Variants in SLC25A13 observed in about 807,000 individuals in gnomAD.
The protein encoded by SLC25A13 is electrogenic aspartate/glutamate antiporter SLC25A13, mitochondrial.
A neutral mutation model predicts 85.5 loss-of-function variants in SLC25A13; 70 were observed. The ratio of observed to expected loss-of-function variants is 0.82; its 90% CI spans 0.68 to 1.00. The LOEUF (loss-of-function observed/expected upper bound fraction) is 1.00. Ranked by LOEUF, SLC25A13 falls within the 50% of genes least tolerant of loss-of-function variation. The pLI is 0.00. For synonymous variants in SLC25A13, 259 were observed against 288.7 expected, an observed-to-expected ratio of 0.90 and a Z score of 1.04; for missense variants, 765 against 819.8, an observed-to-expected ratio of 0.93 and a Z score of 0.82.
At chr7:96,165,289 G>A (rs1290960719) in intron 13 of SLC25A13, among the ~76,000 whole-genome samples, 2 of 152,188 alleles carry the variant, frequency 1.3e-5, no homozygotes, top group Non-Finnish European at 2.9e-5. Flanking sequence ...GGTAGATAGG[G>A]AGCGTATGCT....
chr7:96,264,225 T>A (rs528081202), intron 3 of SLC25A13, among the ~76,000 whole-genome samples: 1 of 152,286 alleles, frequency 6.6e-6, no homozygotes, highest in East Asian at 1.9e-4. Context: ...CCACACTAAC[T>A]GGTCTCACTT....
chr7:96,184,573 C>G (rs1158217859), intron 10 of SLC25A13, 138 bp from the exon 11 acceptor site: 2 of 783,920 alleles, frequency 2.6e-6, no homozygotes, highest in South Asian at 1.6e-5. Context: ...ACAGTACTAC[C>G]TTTCTTATAT....
chr7:96,264,194 C>T (rs559289039), intron 3 of SLC25A13, among the ~76,000 whole-genome samples: 1 of 152,268 alleles, frequency 6.6e-6, no homozygotes, highest in Non-Finnish European at 1.5e-5. Flanking sequence ...GAACGACTGG[C>T]CTTATCTGAA....
chr7:96,161,802 T>C, intron 13 of SLC25A13, among the ~76,000 whole-genome samples: 1 of 152,314 alleles, frequency 6.6e-6, no homozygotes, highest in African/African-American at 2.4e-5. Flanking sequence ...TTTAATATGG[T>C]CTTACATTTT....
chr7:96,248,374 G>A (rs1344304733), intron 3 of SLC25A13, among the ~76,000 whole-genome samples: 1 of 152,168 alleles, frequency 6.6e-6, no homozygotes, highest in Non-Finnish European at 1.5e-5. Context: ...TTCAGGGGCA[G>A]CATCAAAGCT....
In SLC25A13 at chr7:96,121,922, T is replaced by C. The variant is rs1251459939; in HGVS notation, c.1667A>G (p.Gln556Arg). ...TRLQVAARAG[Q>R]TTYSGVIDCF... is the part of the protein sequence containing the mutation. Reference sequence around the variant, plus strand: ...GTCTATCACTCCGCTGTAAGTGGTTTGGCCAGCCCGGGCAGCCACCTGTAA... The same window carrying C: ...GTCTATCACTCCGCTGTAAGTGGTTCGGCCAGCCCGGGCAGCCACCTGTAA... The change falls in exon 16 of 18, where the codon CAA becomes CGA. Residue 556 changes from glutamine (Q) to arginine (R), a missense_variant. Physicochemically the swap from Gln to Arg is conservative, Grantham distance 43. Coordinates refer to ENST00000265631, the MANE Select transcript of SLC25A13 (RefSeq NM_014251.3). 1 of 1,614,090 alleles carries C rather than the reference T, an allele frequency of 6.2e-7. No individual in the cohort carries two copies. The highest frequency in any genetic ancestry group is 2.2e-5 in the East Asian group (1 of 44,890).
chr7:96,239,389 T>G (rs997449989), intron 3 of SLC25A13, among the ~76,000 whole-genome samples: 33 of 150,992 alleles, frequency 2.2e-4, no homozygotes, highest in Non-Finnish European at 4.1e-4. Context: ...TATATACATA[T>G]ATATATATAG....
Position 96,180,724 on chromosome 7 carries a change from G to A in SLC25A13, c.1177+3553C>T, listed in dbSNP as rs551921411. Among the ~76,000 whole-genome samples the A allele has an allele frequency of 1.3e-5, 2 of 152,366 alleles. 1 individual carries two copies. Among genetic ancestry groups the A allele is most frequent in the African/African-American group, 4.8e-5 (2 of 41,588 alleles). ...CTCATCACCTGAAAGATCTGAGAGA[G>A]AAGACTGCAACAAAGTTTAAAAGCA... On this transcript the variant is annotated intron_variant, in intron 11 of 17. Coordinates refer to ENST00000265631, the MANE Select transcript of SLC25A13 (RefSeq NM_014251.3).
At chr7:96,211,334 A>G (rs1795689157) in intron 4 of SLC25A13, among the ~76,000 whole-genome samples, 1 of 152,140 alleles carries the variant, frequency 6.6e-6, no homozygotes, top group Non-Finnish European at 1.5e-5. Context: ...AGAGCTATAC[A>G]TTATCCCTAA....
At chr7:96,190,385 C>T (rs766654146) in intron 7 of SLC25A13, among the ~76,000 whole-genome samples, 16 of 151,902 alleles carry the variant, frequency 1.1e-4, no homozygotes, top group South Asian at 2.1e-4. Flanking sequence ...GCCACCGCAC[C>T]GGCTCTGATT....
chr7:96,262,970 C>T (rs1219145468), intron 3 of SLC25A13, among the ~76,000 whole-genome samples: 1 of 150,078 alleles, frequency 6.7e-6, no homozygotes, highest in Non-Finnish European at 1.5e-5. Flanking sequence ...AGATATGGAA[C>T]CCTATATATG....
intron 11 of SLC25A13, among the ~76,000 whole-genome samples, chr7:96,179,060 C>T (rs1422949843): frequency 6.6e-6 from 1 of 152,152 alleles, no homozygotes; most frequent in African/African-American, 2.4e-5. Flanking sequence ...GCTCAGGATG[C>T]CTTTGGGAGA....
chr7:96,217,616 A>G (rs1328107604), intron 4 of SLC25A13, among the ~76,000 whole-genome samples: 1 of 152,204 alleles, frequency 6.6e-6, no homozygotes, highest in Non-Finnish European at 1.5e-5. Flanking sequence ...TGCTAAGTAA[A>G]AGAAACCAAT....
chr7:96,201,511 CAAA>C (rs11448108), intron 5 of SLC25A13, among the ~76,000 whole-genome samples: 1 of 124,640 alleles, frequency 8.0e-6, no homozygotes, highest in African/African-American at 3.1e-5. Flanking sequence ...GACTCTGTCT[CAAA>C]AAAAAAAAAA....
intron 5 of SLC25A13, among the ~76,000 whole-genome samples, chr7:96,201,218 T>A (rs1562837751): frequency 1.3e-5 from 2 of 151,970 alleles, no homozygotes; most frequent in South Asian, 4.2e-4. Flanking sequence ...CCACTAAAAA[T>A]TCATGGTCGG....
At chr7:96,303,195 AC>A (rs1274390213) in intron 1 of SLC25A13, among the ~76,000 whole-genome samples, 1 of 152,106 alleles carries the variant, frequency 6.6e-6, no homozygotes, top group Admixed American at 6.6e-5. Flanking sequence ...CCTCAGCAAT[AC>A]TTCCCCAGTC....
chr7:96,315,940 G>A, intron 1 of SLC25A13, among the ~76,000 whole-genome samples: 1 of 151,500 alleles, frequency 6.6e-6, no homozygotes, highest in East Asian at 1.9e-4. Context: ...GACATAGCAA[G>A]ACCCCCGTCT....
At position 96,322,075 on chromosome 7, in the gene SLC25A13, G is replaced by T; in HGVS notation, c.-119C>A. The T allele has an allele frequency of 2.2e-6, 3 of 1,384,972 alleles. No homozygotes were observed. Among genetic ancestry groups the T allele is most frequent in the Non-Finnish European group, 2.0e-6 (2 of 1,016,080 alleles). The allele number at this position is 1,384,972 out of a possible 1,614,324, so 85.8% of individuals were successfully genotyped here. ...GCGGTGGGGGCGGCGATACGGCCAG[G>T]CAGCGTGCGTTCCTGGCCTGCCTCC... On this transcript the variant is annotated 5_prime_UTR_variant, in exon 1 of 18. Coordinates refer to ENST00000265631, the MANE Select transcript of SLC25A13 (RefSeq NM_014251.3).
chr7:96,157,288 T>A (rs749642879), intron 13 of SLC25A13, among the ~76,000 whole-genome samples: 1 of 152,174 alleles, frequency 6.6e-6, no homozygotes, highest in Non-Finnish European at 1.5e-5. Flanking sequence ...TTTCTTCTAA[T>A]ACCGCCTTCT....
Sources: gnomAD v4.1 joint callset for allele counts (sites outside exome capture counted in the v4.1 genomes callset) on GRCh38, gnomAD v4.1.1 for gene constraint, MANE v1.5 for transcripts, NCBI Gene and HGNC (gene_info 2026-07-23, HGNC 2026-07-21) for gene names.